The following CALR3 variants were observed in gnomAD, a reference collection of about 807,000 sequenced individuals.
CALR3 encodes the protein calreticulin 3.
Under a neutral mutation model 48.7 loss-of-function variants are expected in CALR3, and 39 were observed. That is an observed-to-expected ratio of 0.80 (90% CI 0.62 to 1.05). The LOEUF (loss-of-function observed/expected upper bound fraction) is 1.05, where lower values mean the gene tolerates loss of function less well. CALR3 is among the 50% of genes least tolerant of loss of function. The pLI is 0.00. For missense variants in CALR3, 449 were observed against 474.7 expected, an observed-to-expected ratio of 0.95 and a Z score of 0.50; for synonymous variants, 185 against 172.7, an observed-to-expected ratio of 1.07 and a Z score of -0.56.
rs2093384836 is a variant in CALR3 at position 16,484,008 on chromosome 19, C to G, written c.600G>C (p.Trp200Cys). ...SIESGSIEYDWNLTSLKKETS... is the reference protein window; with the variant it reads ...SIESGSIEYDCNLTSLKKETS... ...TTTCCTTCTTGAGTGATGTTAAGTT[C>G]CAGTCGTACTCTATGCTGCCGGATT... Residue 200 changes from tryptophan (W) to cysteine (C), a missense_variant, in exon 5 of 9, where the codon TGG (tryptophan) becomes TGC (cysteine). Coordinates refer to ENST00000269881, the MANE Select transcript of CALR3 (RefSeq NM_145046.5). The G allele has an allele frequency of 6.2e-7, 1 of 1,613,900 alleles. No homozygotes were observed. The highest frequency in any genetic ancestry group is 1.3e-5 in the African/African-American group (1 of 74,870).
chr19:16,492,001 A>AT (rs1400005575), intron 2 of CALR3, among the ~76,000 whole-genome samples: 1 of 151,502 alleles, frequency 6.6e-6, no homozygotes, highest in African/African-American at 2.4e-5. Context: ...GCTAATTTTC[A>AT]TATTTTTAGT....
chr19:16,494,806 T>C (rs1471521431), intron 2 of CALR3, among the ~76,000 whole-genome samples: 1 of 152,190 alleles, frequency 6.6e-6, no homozygotes, highest in Non-Finnish European at 1.5e-5. Context: ...TAATAACACA[T>C]TCATATAAAT....
chr19:16,495,701 G>T, intron 2 of CALR3, 50 bp downstream of exon 2: 1 of 1,392,878 alleles, frequency 7.2e-7, no homozygotes, highest in Non-Finnish European at 1.0e-6. Context: ...TAGAGAGGTT[G>T]CTATGGAAAT....
At position 16,484,061 on chromosome 19, in the gene CALR3, C is replaced by G; in HGVS notation, c.547G>C (p.Asp183His). The G allele has an allele frequency of 6.2e-7, 1 of 1,613,962 alleles. No individual in the cohort carries two copies. The highest frequency in any genetic ancestry group is 8.5e-7 in the Non-Finnish European group (1 of 1,179,992). ...ATTGACTGACCATCAATTTTCACAT[C>G]ATAAGAAAGATCTGGTCTTAAAATT... ...TLILRPDLSY[D>H]VKIDGQSIES... Residue 183 changes from aspartate to histidine, a missense_variant, in exon 5 of 9, where the codon GAT (aspartate) becomes CAT (histidine). Coordinates refer to ENST00000269881, the MANE Select transcript of CALR3 (RefSeq NM_145046.5).
chr19:16,491,934 T>C (rs2093398787), intron 2 of CALR3, among the ~76,000 whole-genome samples: 1 of 151,820 alleles, frequency 6.6e-6, no homozygotes, highest in South Asian at 2.1e-4. Flanking sequence ...GTTCAAGCGA[T>C]TCTCCTGCCT....
chr19:16,480,799 C>T (rs2093379572), intron 7 of CALR3, 93 bp from the exon 8 acceptor site: 4 of 976,734 alleles, frequency 4.1e-6, no homozygotes, highest in Non-Finnish European at 4.7e-6. Flanking sequence ...ATACATGAAG[C>T]TCAGGTGACA....
rs1386705521 is a variant in CALR3, at chr19:16,482,408, C to T, written c.918+42G>A. On this transcript the variant is annotated intron_variant, in intron 7 of 8. Transcript: ENST00000269881. ...AAACAAAACAAAACAAAACAAAACACACACACGCAAAAAATCTAAAGTAAA... is the reference window on the plus strand; with the variant it reads ...AAACAAAACAAAACAAAACAAAACATACACACGCAAAAAATCTAAAGTAAA... The T allele has an allele frequency of 1.9e-6, 3 of 1,612,412 alleles. No individual in the cohort carries two copies. In the African/African-American group the frequency reaches 4.0e-5, roughly 22 times the overall value.
chr19:16,489,668 G>A (rs1410155427), intron 3 of CALR3, among the ~76,000 whole-genome samples: 3 of 150,842 alleles, frequency 2.0e-5, no homozygotes, highest in African/African-American at 7.3e-5. Context: ...AATTAGCCAG[G>A]TATGGTGGCA....
chr19:16,493,936 C>T (rs906801005), intron 2 of CALR3, among the ~76,000 whole-genome samples: 7 of 152,028 alleles, frequency 4.6e-5, no homozygotes, highest in African/African-American at 1.2e-4. Flanking sequence ...CCATGTTGGC[C>T]GGGCTGGTCT....
chr19:16,488,785 C>T (rs561559600), intron 3 of CALR3, among the ~76,000 whole-genome samples: 10 of 152,286 alleles, frequency 6.6e-5, no homozygotes, highest in South Asian at 2.1e-4. Flanking sequence ...GGTCCCTTCC[C>T]AGTTCTAGCA....
At chr19:16,490,084 C>T (rs141032493) in intron 3 of CALR3, among the ~76,000 whole-genome samples, 1 of 152,282 alleles carries the variant, frequency 6.6e-6, no homozygotes, top group African/African-American at 2.4e-5. Context: ...ACTCTGGTCC[C>T]AAACATTTCA....
chr19:16,481,748 C>A (rs1427656301), intron 7 of CALR3, among the ~76,000 whole-genome samples: 2 of 151,922 alleles, frequency 1.3e-5, no homozygotes, highest in African/African-American at 2.4e-5. Flanking sequence ...ATCTGCCCCC[C>A]TCAGCCTCCC....
intron 3 of CALR3, among the ~76,000 whole-genome samples, chr19:16,486,868 A>G (rs1458733324): frequency 1.3e-5 from 2 of 152,172 alleles, no homozygotes; most frequent in African/African-American, 4.8e-5. Context: ...ATAGTAACAG[A>G]GTGGGTTTGA....
chr19:16,492,025 C>T (rs1326072958), intron 2 of CALR3, among the ~76,000 whole-genome samples: 2 of 151,954 alleles, frequency 1.3e-5, no homozygotes, highest in South Asian at 2.1e-4. Flanking sequence ...GATGGGGTTT[C>T]ACCACGTTGC....
At position 16,492,728 on chromosome 19, in the gene CALR3, C is replaced by T. The variant is rs1395262812; in HGVS notation, c.194-2158G>A. The stretch of plus-strand genomic sequence containing the variant: ...AAAAAAAAAAATACAAAAAATTAGC[C>T]GGGCGTGGTGGCAGGCGCCTGTAGT... On this transcript the variant is annotated intron_variant, in intron 2 of 8. Coordinates refer to ENST00000269881, the MANE Select transcript of CALR3 (RefSeq NM_145046.5). Among the ~76,000 whole-genome samples, 6 of 151,982 alleles carry T rather than the reference C, an allele frequency of 3.9e-5. No individual in the cohort carries two copies. The East Asian group carries it at 9.7e-4, about 24-fold the overall frequency.
At chr19:16,492,374 T>C (rs1266950413) in intron 2 of CALR3, among the ~76,000 whole-genome samples, 1 of 152,082 alleles carries the variant, frequency 6.6e-6, no homozygotes, top group African/African-American at 2.4e-5. Flanking sequence ...CTGAACTGTT[T>C]GAACCTGGGA....
chr19:16,491,387 G>A (rs2122144626), intron 2 of CALR3, among the ~76,000 whole-genome samples: 1 of 151,732 alleles, frequency 6.6e-6, no homozygotes, highest in East Asian at 2.0e-4. Flanking sequence ...CTCCCAAAGT[G>A]CTGGGATTAC....
In CALR3 at chr19:16,479,101, A is replaced by C; in HGVS notation, c.*30T>G. 1 of 1,612,532 alleles carries C rather than the reference A, an allele frequency of 6.2e-7. No individual in the cohort carries two copies. Among genetic ancestry groups the C allele is most frequent in the Non-Finnish European group, 8.5e-7 (1 of 1,178,580 alleles). The stretch of plus-strand genomic sequence containing the variant: ...TAGATTAAAGTAGCAATGAGATTTT[A>C]CCAGTCATCCTTATATCCAATGGGG... On this transcript the variant is annotated 3_prime_UTR_variant, in exon 9 of 9. Transcript: ENST00000269881.
At chr19:16,486,068 C>T (rs1304720556) in intron 3 of CALR3, among the ~76,000 whole-genome samples, 1 of 152,020 alleles carries the variant, frequency 6.6e-6, no homozygotes, top group African/African-American at 2.4e-5. Flanking sequence ...CTGCTAATCC[C>T]AGCACTTTAG....
Sources: allele counts gnomAD v4.1 joint callset (sites outside exome capture counted in the v4.1 genomes callset), GRCh38; gene constraint gnomAD v4.1.1; transcripts MANE v1.5; gene names NCBI Gene and HGNC (gene_info 2026-07-23, HGNC 2026-07-21).